The following MAP3K13 variants were observed in gnomAD, a reference collection of about 807,000 sequenced individuals.
MAP3K13 encodes mitogen-activated protein kinase kinase kinase 13.
Under a neutral mutation model 104.0 loss-of-function variants are expected in MAP3K13, and 52 were observed. The ratio of observed to expected loss-of-function variants is 0.50; its 90% CI spans 0.40 to 0.63. MAP3K13 has a LOEUF of 0.63. MAP3K13 is among the 20% of genes least tolerant of loss of function. The pLI is 0.00. For missense variants in MAP3K13, 914 were observed against 1,218.5 expected (o/e 0.75, Z 3.72); for synonymous variants, 394 against 442.2 (o/e 0.89, Z 1.37).
chr3:185,443,548 T>C lies in MAP3K13; in HGVS notation c.763T>C (p.Leu255=), dbSNP rs766638708. ...LRAGRKITPR[L]LVDWSTGIAS... ...AGCTGGCAGGAAGATCACACCTCGATTGCTAGTAGACTGGTCCACAGGAAT... is the reference window on the plus strand; with the variant it reads ...AGCTGGCAGGAAGATCACACCTCGACTGCTAGTAGACTGGTCCACAGGAAT... The change falls in exon 4 of 14, where the codon TTG becomes CTG. Residue 255 remains leucine, a synonymous_variant. Coordinates refer to ENST00000265026, the MANE Select transcript of MAP3K13 (RefSeq NM_004721.5). 3 of 1,614,030 alleles carry C rather than the reference T, an allele frequency of 1.9e-6. No homozygotes were observed. The highest frequency in any genetic ancestry group is 3.3e-5 in the Admixed American group (2 of 59,998).
At chr3:185,448,168 G>A in intron 5 of MAP3K13, 1 of 670,384 alleles carries the variant, frequency 1.5e-6, no homozygotes, top group Admixed American at 2.2e-5. Context: ...TAAGTCACCA[G>A]TTTGGGGGAC....
intron 1 of MAP3K13, among the ~76,000 whole-genome samples, chr3:185,403,025 G>A (rs568008697): frequency 8.9e-4 from 136 of 152,180 alleles, no homozygotes; most frequent in African/African-American, 3.0e-3. Flanking sequence ...AGAAGATACT[G>A]GTATATAGTC....
rs1005711502 is a variant in MAP3K13 at position 185,295,330 on chromosome 3, A to C, written c.-86+9687A>C. Among the ~76,000 whole-genome samples the C allele has an allele frequency of 8.5e-5, 13 of 152,122 alleles. No individual in the cohort carries two copies. In the South Asian group the frequency reaches 1.0e-3, roughly 12 times the overall value. On this transcript the variant is annotated intron_variant, in intron 2 of 14. Transcript: ENST00000424227. ...AAGCAGTTCTCTGCCTCTGCCTCCC[A>C]AGTAGCTGGGATTATAGGCGCCCGC...
intron 2 of MAP3K13, among the ~76,000 whole-genome samples, chr3:185,320,083 C>CTTTTT (rs11382487): frequency 7.0e-6 from 1 of 143,800 alleles, no homozygotes; most frequent in Non-Finnish European, 1.5e-5. Context: ...ATGTAAGTAA[C>CTTTTT]TTTTTTTTTT....
At chr3:185,397,094 G>C (rs1481584419) in intron 1 of MAP3K13, among the ~76,000 whole-genome samples, 1 of 151,344 alleles carries the variant, frequency 6.6e-6, no homozygotes, top group Non-Finnish European at 1.5e-5. Context: ...TCTTACAATT[G>C]AAAGACATAG....
intron 2 of MAP3K13, chr3:185,293,156 C>CTCAAA: frequency 1.7e-6 from 1 of 601,736 alleles, no homozygotes; most frequent in Non-Finnish European, 2.1e-6. Flanking sequence ...CTGGCTCTGT[C>CTCAAA]ACCCAGGCTG....
At chr3:185,294,886 C>A (rs1357732872) in intron 2 of MAP3K13, among the ~76,000 whole-genome samples, 1 of 152,186 alleles carries the variant, frequency 6.6e-6, no homozygotes, top group Non-Finnish European at 1.5e-5. Flanking sequence ...TCCTAAATAT[C>A]TTTCAAATTA....
intron 2 of MAP3K13, among the ~76,000 whole-genome samples, chr3:185,432,343 A>G (rs1436971053): frequency 1.3e-5 from 2 of 151,914 alleles, no homozygotes; most frequent in Non-Finnish European, 2.9e-5. Flanking sequence ...GGCGTGTGCC[A>G]CCACGCCTGG....
chr3:185,390,394 A>G (rs1711972051), intron 1 of MAP3K13, among the ~76,000 whole-genome samples: 1 of 152,172 alleles, frequency 6.6e-6, no homozygotes, highest in African/African-American at 2.4e-5. Context: ...TTCAGGGTCC[A>G]AACTCTTTTC....
intron 1 of MAP3K13, among the ~76,000 whole-genome samples, chr3:185,386,662 A>C (rs1711713507): frequency 6.6e-6 from 1 of 152,252 alleles, no homozygotes; most frequent in South Asian, 2.1e-4. Context: ...AATGCCCATC[A>C]ATGATAGATT....
chr3:185,391,938 T>G (rs1193204899), intron 1 of MAP3K13, among the ~76,000 whole-genome samples: 1 of 151,966 alleles, frequency 6.6e-6, no homozygotes, highest in Admixed American at 6.6e-5. Flanking sequence ...GAGGTGAGCA[T>G]GGGTAGGTGG....
intron 1 of MAP3K13, among the ~76,000 whole-genome samples, chr3:185,396,330 A>T (rs527836689): frequency 5.9e-5 from 9 of 152,166 alleles, no homozygotes; most frequent in Non-Finnish European, 1.3e-4. Flanking sequence ...AGATTGTGCC[A>T]CTGCACTCTG....
At chr3:185,343,113 C>T (rs1278930535) in intron 2 of MAP3K13, among the ~76,000 whole-genome samples, 1 of 152,190 alleles carries the variant, frequency 6.6e-6, no homozygotes, top group Non-Finnish European at 1.5e-5. Flanking sequence ...GAAGGAGAGA[C>T]TCCAGACAAA....
intron 2 of MAP3K13, among the ~76,000 whole-genome samples, chr3:185,433,858 T>C (rs1299058483): frequency 2.0e-5 from 3 of 152,164 alleles, no homozygotes; most frequent in Admixed American, 1.3e-4. Flanking sequence ...TATCATCTTA[T>C]AAAAATACTA....
chr3:185,443,463 C>G lies in MAP3K13; in HGVS notation c.678C>G (p.Ala226=). Residue 226 remains alanine, a synonymous_variant, in exon 4 of 14, where the codon GCC becomes GCG. Coordinates refer to ENST00000265026, the MANE Select transcript of MAP3K13 (RefSeq NM_004721.5). ...IIAFKGVCTQ[A]PCYCIIMEYC... is the part of the protein sequence containing the mutation. ...TTGGAAGGGGTGTTTGTACTCAGGC[C>G]CCATGTTATTGTATTATCATGGAAT... 1 of 1,612,170 alleles carries G rather than the reference C, an allele frequency of 6.2e-7. No homozygotes were observed. The highest frequency in any genetic ancestry group is 8.5e-7 in the Non-Finnish European group (1 of 1,178,808).
At chr3:185,312,483 G>T (rs1238049115) in intron 2 of MAP3K13, among the ~76,000 whole-genome samples, 3 of 152,194 alleles carry the variant, frequency 2.0e-5, no homozygotes, top group Non-Finnish European at 4.4e-5. Context: ...GGGCAGGAAG[G>T]ATTCATATTA....
intron 2 of MAP3K13, among the ~76,000 whole-genome samples, chr3:185,324,723 C>A (rs9290820): frequency 0.78 from 118,286 of 151,798 alleles, 46,598 homozygotes; most frequent in Non-Finnish European, 0.84. Flanking sequence ...TTCCTTTTAA[C>A]CTCAAGGAGA....
chr3:185,321,073 TATGCGTGCACACATATACAC>T (rs1269506572), intron 2 of MAP3K13, among the ~76,000 whole-genome samples: 12 of 151,314 alleles, frequency 7.9e-5, no homozygotes, highest in Non-Finnish European at 1.5e-4. Context: ...TGCACACACA[TATGCGTGCACACATATACAC>T]ATGCGTGCAC....
In MAP3K13 at chr3:185,477,380, T is replaced by A; in HGVS notation, c.2485T>A (p.Phe829Ile). 1 of 1,612,942 alleles carries A rather than the reference T, an allele frequency of 6.2e-7. No individual in the cohort carries two copies. The change falls in exon 12 of 14, where the codon TTT (phenylalanine) becomes ATT (isoleucine). Residue 829 changes from phenylalanine to isoleucine, a missense_variant. Phe to Ile is a conservative substitution (Grantham distance 21, BLOSUM62 0). This residue lies in a region of MAP3K13 where 583 missense variants were observed against 737.4 expected (regional missense o/e 0.79). Transcript: ENST00000265026. The stretch of plus-strand genomic sequence containing the variant: ...AGGGGAAGTAGATAGTGAAGTTGAA[T>A]TTCCACGAAGACAGAGGTAAAACCA... The part of the protein sequence containing the change: ...EEGEVDSEVE[F>I]PRRQRPHRCI...
Sources: allele counts gnomAD v4.1 joint callset (sites outside exome capture counted in the v4.1 genomes callset), GRCh38; gene constraint gnomAD v4.1.1; regional missense constraint gnomAD v4.1.1; transcripts MANE v1.5; gene names NCBI Gene and HGNC (gene_info 2026-07-23, HGNC 2026-07-21).